ANKS1B: variants seen among roughly 807,000 people sequenced by gnomAD.
ANKS1B encodes ankyrin repeat and sterile alpha motif domain-containing protein 1B.
ANKS1B carries 36 observed loss-of-function variants against 148.3 expected under a neutral mutation model. The observed-to-expected ratio is 0.24, with a 90% CI of 0.19 to 0.32. The LOEUF is 0.32. ANKS1B is among the 10% of genes least tolerant of loss of function. ANKS1B has a pLI of 1.00. For synonymous variants in ANKS1B, 542 were observed against 560.8 expected (o/e 0.97, Z 0.47); for missense variants, 1,157 against 1,542.6 (o/e 0.75, Z 4.19).
chr12:99,273,054 T>C (rs2077227249), intron 12 of ANKS1B, among the ~76,000 whole-genome samples: 1 of 152,168 alleles, frequency 6.6e-6, no homozygotes. Context: ...AAAATGGAAG[T>C]TGAGCAAGTT....
At chr12:98,753,876 G>A (rs1010344488) in intron 25 of ANKS1B, among the ~76,000 whole-genome samples, 6 of 152,062 alleles carry the variant, frequency 3.9e-5, no homozygotes, top group African/African-American at 1.4e-4. Context: ...CGCTCTGGGA[G>A]CCCGATTCCC....
At chr12:99,029,640 A>G (rs1050986469) in intron 17 of ANKS1B, among the ~76,000 whole-genome samples, 2 of 152,240 alleles carry the variant, frequency 1.3e-5, no homozygotes, top group Admixed American at 1.3e-4. Flanking sequence ...CTAACAATGC[A>G]TAAGAAGCAT....
intron 1 of ANKS1B, among the ~76,000 whole-genome samples, chr12:99,861,589 T>A (rs2090018563): frequency 2.0e-5 from 3 of 152,184 alleles, no homozygotes; most frequent in African/African-American, 7.2e-5. Context: ...AAGCTACTTA[T>A]TAGAGGAATA....
At chr12:99,632,178 C>G (rs2098167742) in intron 9 of ANKS1B, among the ~76,000 whole-genome samples, 3 of 152,118 alleles carry the variant, frequency 2.0e-5, no homozygotes, top group Admixed American at 2.0e-4. Flanking sequence ...CAGATCATGC[C>G]ACAGTTCCTG....
chr12:99,727,773 T>C (rs559823348), intron 8 of ANKS1B, among the ~76,000 whole-genome samples: 1 of 152,316 alleles, frequency 6.6e-6, no homozygotes, highest in African/African-American at 2.4e-5. Flanking sequence ...AACAGCATGG[T>C]ACTGGTACCA....
intron 8 of ANKS1B, among the ~76,000 whole-genome samples, chr12:99,686,009 C>T (rs938753982): frequency 6.6e-6 from 1 of 152,026 alleles, no homozygotes; most frequent in African/African-American, 2.4e-5. Context: ...AGATAAAAGA[C>T]TATGCATTGG....
chr12:99,484,309 G>A (rs962210416), intron 10 of ANKS1B, among the ~76,000 whole-genome samples: 1 of 151,808 alleles, frequency 6.6e-6, no homozygotes, highest in Admixed American at 6.6e-5. Context: ...TAGTTTTGAG[G>A]GTTCCTTTTT....
At chr12:99,231,229 G>A (rs891773475) in intron 14 of ANKS1B, among the ~76,000 whole-genome samples, 1 of 152,108 alleles carries the variant, frequency 6.6e-6, no homozygotes, top group Admixed American at 6.6e-5. Context: ...GCTGTGGGGT[G>A]TTAGCTGAAG....
At chr12:99,466,394 C>T (rs1318512681) in intron 10 of ANKS1B, among the ~76,000 whole-genome samples, 7 of 151,716 alleles carry the variant, frequency 4.6e-5, no homozygotes, top group Non-Finnish European at 7.4e-5. Context: ...AAAGCAAGAG[C>T]AAACACATTC....
chr12:99,953,612 C>A, intron 1 of ANKS1B, among the ~76,000 whole-genome samples: 1 of 149,304 alleles, frequency 6.7e-6, no homozygotes. Flanking sequence ...AAAACCTTAG[C>A]AAGAGTACAA....
rs1251049388 is a variant in ANKS1B at position 99,655,305 on chromosome 12, CG to C, written c.1129-96del. ...TTCTATAAATGACAGTGGTATATCT[CG>C]GCAAACAAGTCAGCTCACTTTTAGC... is the stretch of plus-strand genomic sequence containing the variant. On this transcript the variant is annotated intron_variant, in intron 8 of 26. Coordinates refer to ENST00000683438, the MANE Select transcript of ANKS1B (RefSeq NM_001352186.2). 9.5e-6 allele frequency: 11 copies of C among 1,159,244 alleles called. No individual in the cohort carries two copies. The East Asian group carries it at 2.9e-4, about 30-fold the overall frequency. The allele number at this position is 1,159,244 out of a possible 1,614,324, so 71.8% of individuals were successfully genotyped here. A position where few individuals can be genotyped will look rare whatever the true frequency, so the allele number is the denominator to read the frequency against.
intron 9 of ANKS1B, among the ~76,000 whole-genome samples, chr12:99,533,470 T>C (rs955499593): frequency 3.9e-5 from 6 of 152,178 alleles, no homozygotes; most frequent in Non-Finnish European, 8.8e-5. Context: ...TATAAGATCA[T>C]ATCATCAGCA....
At chr12:99,489,425 A>T (rs960867740) in intron 10 of ANKS1B, among the ~76,000 whole-genome samples, 8 of 152,200 alleles carry the variant, frequency 5.3e-5, no homozygotes, top group African/African-American at 1.9e-4. Context: ...AAAATTTAGT[A>T]AAACTTTATT....
intron 12 of ANKS1B, among the ~76,000 whole-genome samples, chr12:99,321,384 C>G (rs377546839): frequency 7.9e-5 from 12 of 152,332 alleles, no homozygotes; most frequent in Admixed American, 1.3e-4. Context: ...CTTTGTTTAC[C>G]TACTCAAGCC....
intron 9 of ANKS1B, among the ~76,000 whole-genome samples, chr12:99,596,041 C>T (rs888649799): frequency 6.6e-6 from 1 of 151,732 alleles, no homozygotes; most frequent in African/African-American, 2.4e-5. Flanking sequence ...AACTACCTTG[C>T]CAAAACAAAT....
intron 10 of ANKS1B, among the ~76,000 whole-genome samples, chr12:99,450,293 C>T (rs1378762680): frequency 6.6e-6 from 1 of 152,184 alleles, no homozygotes; most frequent in Non-Finnish European, 1.5e-5. Flanking sequence ...GGATGATTTG[C>T]TTTACTCAGT....
chr12:99,443,968 T>C (rs1594893644), intron 10 of ANKS1B, among the ~76,000 whole-genome samples, 159 bp from the exon 11 acceptor site: 1 of 152,106 alleles, frequency 6.6e-6, no homozygotes, highest in East Asian at 1.9e-4. Context: ...ATTTTAAAGA[T>C]AATGCTTTTT....
intron 12 of ANKS1B, among the ~76,000 whole-genome samples, chr12:99,272,986 T>C (rs1022734281): frequency 2.6e-5 from 4 of 152,184 alleles, no homozygotes; most frequent in African/African-American, 9.7e-5. Flanking sequence ...ATATCCAACA[T>C]GCAGTGGTGG....
chr12:99,717,843 C>T (rs1168432591), intron 8 of ANKS1B, among the ~76,000 whole-genome samples: 17 of 151,954 alleles, frequency 1.1e-4, no homozygotes, highest in Non-Finnish European at 5.9e-5. Flanking sequence ...GTAGTGACGG[C>T]CAGGCTTCTA....
Sources: allele counts gnomAD v4.1 joint callset (sites outside exome capture counted in the v4.1 genomes callset), GRCh38; gene constraint gnomAD v4.1.1; transcripts MANE v1.5; gene names NCBI Gene and HGNC (gene_info 2026-07-23, HGNC 2026-07-21).